The following THAP8 variants were observed in gnomAD, a reference collection of about 807,000 sequenced individuals.
THAP8 encodes THAP domain containing 8, also known as THAP domain-containing protein 8.
Under a neutral mutation model 25.0 loss-of-function variants are expected in THAP8, and 24 were observed. The observed-to-expected ratio is 0.96, with a 90% confidence interval of 0.69 to 1.35. The LOEUF is 1.35. THAP8 is among the 40% of genes most tolerant of loss of function. The pLI, the probability that THAP8 is intolerant of heterozygous loss-of-function variation, is 0.00. For missense variants in THAP8, 399 were observed against 368.8 expected (o/e 1.08, Z -0.67); for synonymous variants, 169 against 157.6 (o/e 1.07, Z -0.54).
chr19:36,037,344 A>C (rs1263613122), intron 3 of THAP8, among the ~76,000 whole-genome samples: 1 of 38,562 alleles, frequency 2.6e-5, no homozygotes, highest in Admixed American at 3.5e-4. Context: ...TTCCTCCCCT[A>C]CACACACACA....
At chr19:36,049,928 C>A (rs1970005617) in intron 1 of THAP8, among the ~76,000 whole-genome samples, 1 of 151,920 alleles carries the variant, frequency 6.6e-6, no homozygotes, top group South Asian at 2.1e-4. Context: ...GTGGTGTGCA[C>A]CTGTGGTCCC....
intron 1 of THAP8, among the ~76,000 whole-genome samples, chr19:36,043,709 G>A (rs1969779411): frequency 6.6e-6 from 1 of 152,066 alleles, no homozygotes; most frequent in Non-Finnish European, 1.5e-5. Flanking sequence ...CCAACATGGT[G>A]AAACCCCGTC....
At chr19:36,037,371 C>A (rs1024773109) in intron 3 of THAP8, among the ~76,000 whole-genome samples, 1 of 151,674 alleles carries the variant, frequency 6.6e-6, no homozygotes, top group Non-Finnish European at 1.5e-5. Flanking sequence ...CACACACACA[C>A]ACACACACAC....
chr19:36,046,379 G>A (rs1400575234), intron 1 of THAP8, among the ~76,000 whole-genome samples: 3 of 152,172 alleles, frequency 2.0e-5, no homozygotes, highest in Non-Finnish European at 2.9e-5. Context: ...ATAGTAGTGT[G>A]AGAACAGACT....
intron 1 of THAP8, among the ~76,000 whole-genome samples, chr19:36,053,572 A>C (rs893654253): frequency 2.0e-5 from 3 of 150,710 alleles, no homozygotes; most frequent in Admixed American, 6.6e-5. Context: ...AAAAAAAAAA[A>C]GCAAAGAAAT....
At chr19:36,045,901 G>A (rs1969864192) in intron 1 of THAP8, 1 of 456,594 alleles carries the variant, frequency 2.2e-6, no homozygotes, top group East Asian at 6.9e-5. Context: ...CTGGCCTCTA[G>A]AACTGTTAGA....
intron 1 of THAP8, among the ~76,000 whole-genome samples, chr19:36,051,903 T>C (rs1003573389): frequency 6.6e-6 from 1 of 152,152 alleles, no homozygotes; most frequent in Admixed American, 6.6e-5. Flanking sequence ...CACTCCCCAC[T>C]GCTCGCATTA....
intron 3 of THAP8, among the ~76,000 whole-genome samples, chr19:36,039,097 G>C (rs923434121): frequency 1.3e-5 from 2 of 152,214 alleles, no homozygotes; most frequent in African/African-American, 4.8e-5. Context: ...TGCTTGCTAT[G>C]TTGCCCAGGC....
Position 36,039,456 on chromosome 19 carries a change from A to G in THAP8, c.539T>C (p.Leu180Pro). The G allele has an allele frequency of 6.3e-7, 1 of 1,599,572 alleles. No homozygotes were observed. The highest frequency in any genetic ancestry group is 8.5e-7 in the Non-Finnish European group (1 of 1,172,514). Residue 180 changes from leucine to proline, a missense_variant, in exon 3 of 4, where the codon CTG (leucine) becomes CCG (proline). Coordinates refer to ENST00000292894, the MANE Select transcript of THAP8 (RefSeq NM_152658.3). ...QTGLGPVLGA[L>P]QRRVRRLQRC... is the part of the protein sequence containing the mutation. ...TTGCAGCCTCCGCACCCGGCGTTGC[A>G]GTGCTCCCAGCACTGGGCCCAGCCC...
At chr19:36,039,200 A>C in intron 3 of THAP8, 123 bp downstream of exon 3, 1 of 1,337,286 alleles carries the variant, frequency 7.5e-7, no homozygotes, top group Non-Finnish European at 9.7e-7. Context: ...CGGGAAAGCC[A>C]GAAATTTGGA....
rs534269457 is a variant in THAP8, at chr19:36,049,016, G to C, written c.83+5119C>G. On this transcript the variant is annotated intron_variant, in intron 1 of 3. Transcript: ENST00000292894. Reference sequence around the variant, plus strand: ...TACTACCAAGCAGATACAATTCTAAGTGATAGGTCCCCCATAAGAGATGAC... The same window carrying C: ...TACTACCAAGCAGATACAATTCTAACTGATAGGTCCCCCATAAGAGATGAC... Among the ~76,000 whole-genome samples the C allele has an allele frequency of 3.3e-5, 5 of 151,996 alleles. No individual in the cohort carries two copies. The South Asian group carries it at 1.0e-3, about 32-fold the overall frequency.
chr19:36,046,044 T>C, intron 1 of THAP8: 1 of 369,526 alleles, frequency 2.7e-6, no homozygotes, highest in South Asian at 2.0e-5. Context: ...GTAATGTGGT[T>C]TGGCTCTGTG....
intron 3 of THAP8, among the ~76,000 whole-genome samples, chr19:36,038,480 T>A (rs1269109172): frequency 6.6e-6 from 1 of 151,562 alleles, no homozygotes; most frequent in African/African-American, 2.4e-5. Context: ...CTTGAACTCC[T>A]AGGTTCAAGC....
At chr19:36,054,552 A>G, upstream of THAP8, 2 of 550,782 alleles carry the variant, frequency 3.6e-6, no homozygotes, top group Admixed American at 3.1e-5. Context: ...TCAACTGGCT[A>G]GTCAATCTCT....
intron 1 of THAP8, among the ~76,000 whole-genome samples, chr19:36,043,780 C>T (rs1419066234): frequency 1.3e-5 from 2 of 152,044 alleles, no homozygotes; most frequent in African/African-American, 2.4e-5. Flanking sequence ...CCCAGCTACT[C>T]GGGAGGCTGA....
At chr19:36,045,803 G>A (rs1434426756) in intron 1 of THAP8, 1 of 456,656 alleles carries the variant, frequency 2.2e-6, no homozygotes, top group Non-Finnish European at 4.4e-6. Context: ...ACCGGAACAG[G>A]CAAAGAAGAG....
Position 36,035,303 on chromosome 19 carries a change from G to C in THAP8, c.*137C>G. The C allele has an allele frequency of 8.9e-7, 1 of 1,126,102 alleles. No individual in the cohort carries two copies. The highest frequency in any genetic ancestry group is 1.2e-6 in the Non-Finnish European group (1 of 808,008). The allele number at this position is 1,126,102 out of a possible 1,614,324, so 69.8% of individuals were successfully genotyped here. A position where few individuals can be genotyped will look rare whatever the true frequency, so the allele number is the denominator to read the frequency against. On this transcript the variant is annotated 3_prime_UTR_variant, in exon 4 of 4. Transcript: ENST00000292894. Reference sequence around the variant, plus strand: ...AGGTTCAAGAGATCCCTAGGAGTGGGGTGGTAGAACCCAGGCCCTTGAGGG... The same window carrying C: ...AGGTTCAAGAGATCCCTAGGAGTGGCGTGGTAGAACCCAGGCCCTTGAGGG...
chr19:36,044,801 T>G (rs1855048381), intron 1 of THAP8, among the ~76,000 whole-genome samples: 1 of 152,284 alleles, frequency 6.6e-6, no homozygotes, highest in African/African-American at 2.4e-5. Flanking sequence ...CCCTGCTCTC[T>G]CTTTGTTGAA....
chr19:36,035,279 G>T lies in THAP8; in HGVS notation c.*161C>A. On this transcript the variant is annotated 3_prime_UTR_variant, in exon 4 of 4. Coordinates refer to ENST00000292894, the MANE Select transcript of THAP8 (RefSeq NM_152658.3). ...AGACTTGGGCCCAGGTCACCCCTAA[G>T]GTTCAAGAGATCCCTAGGAGTGGGG... The T allele has an allele frequency of 1.1e-6, 1 of 931,406 alleles. No homozygotes were observed. The highest frequency in any genetic ancestry group is 1.5e-6 in the Non-Finnish European group (1 of 646,554). 57.7% of individuals were successfully genotyped at this position (931,406 alleles called of 1,614,324 possible).
Sources: gnomAD v4.1 joint callset for allele counts (sites outside exome capture counted in the v4.1 genomes callset) on GRCh38, gnomAD v4.1.1 for gene constraint, MANE v1.5 for transcripts, NCBI Gene and HGNC (gene_info 2026-07-23, HGNC 2026-07-21) for gene names.